Variants in GRID2 observed in about 807,000 individuals in gnomAD.
GRID2 encodes glutamate ionotropic receptor delta type subunit 2.
A neutral mutation model predicts 114.8 loss-of-function variants in GRID2; 33 were observed. That is an observed-to-expected ratio of 0.29 (90% CI 0.22 to 0.38). The LOEUF is 0.38. Ranked by LOEUF, GRID2 falls within the 10% of genes least tolerant of loss-of-function variation. The pLI, the probability that GRID2 is intolerant of heterozygous loss-of-function variation, is 1.00. For missense variants in GRID2, 1,184 were observed against 1,257.7 expected (o/e 0.94, Z 0.89); for synonymous variants, 505 against 449.9 (o/e 1.12, Z -1.55).
chr4:92,550,113 T>C (rs188795360), intron 1 of GRID2, among the ~76,000 whole-genome samples: 186 of 152,300 alleles, frequency 1.2e-3, no homozygotes, highest in African/African-American at 3.8e-3. Flanking sequence ...TTACAGTATA[T>C]AGAGCCACTG....
intron 8 of GRID2, among the ~76,000 whole-genome samples, chr4:93,395,348 A>G (rs868753543): frequency 2.0e-5 from 3 of 152,018 alleles, no homozygotes; most frequent in South Asian, 4.1e-4. Context: ...TGGTGTATAC[A>G]TAAGTCCTCA....
intron 2 of GRID2, among the ~76,000 whole-genome samples, chr4:93,082,279 G>A (rs576531452): frequency 1.3e-5 from 2 of 152,234 alleles, no homozygotes; most frequent in East Asian, 3.9e-4. Flanking sequence ...CCCCTATTTA[G>A]AGCTTTATCT....
intron 1 of GRID2, among the ~76,000 whole-genome samples, chr4:92,530,794 C>G (rs1725315411): frequency 6.7e-6 from 1 of 149,874 alleles, no homozygotes. Flanking sequence ...ATAATCCCAA[C>G]TACTCAGGAG....
chr4:92,401,166 C>T (rs1209052326), intron 1 of GRID2, among the ~76,000 whole-genome samples: 1 of 152,046 alleles, frequency 6.6e-6, no homozygotes, highest in African/African-American at 2.4e-5. Context: ...TTGCCTAATC[C>T]AAGGTCACAA....
chr4:93,582,955 T>A (rs1261991439), intron 13 of GRID2, among the ~76,000 whole-genome samples: 1 of 152,064 alleles, frequency 6.6e-6, no homozygotes. Context: ...GAAATCAAGG[T>A]GTTGGCAGGG....
intron 2 of GRID2, among the ~76,000 whole-genome samples, chr4:92,867,908 T>G (rs1744990204): frequency 6.6e-6 from 1 of 152,172 alleles, no homozygotes; most frequent in Non-Finnish European, 1.5e-5. Context: ...AGGGTAGTGA[T>G]TCCCAAATCC....
At chr4:93,366,906 A>C (rs1356446869) in intron 8 of GRID2, among the ~76,000 whole-genome samples, 1 of 152,002 alleles carries the variant, frequency 6.6e-6, no homozygotes, top group Non-Finnish European at 1.5e-5. Context: ...TAATTTGAAA[A>C]AGAATATATA....
intron 9 of GRID2, among the ~76,000 whole-genome samples, chr4:93,399,010 C>G (rs1765626388): frequency 6.6e-6 from 1 of 151,814 alleles, no homozygotes; most frequent in South Asian, 2.1e-4. Flanking sequence ...CACTGAGAAC[C>G]ACTCTCCCCT....
intron 8 of GRID2, among the ~76,000 whole-genome samples, chr4:93,242,144 T>C (rs1747600638): frequency 6.6e-6 from 1 of 151,932 alleles, no homozygotes; most frequent in Admixed American, 6.6e-5. Context: ...AAATTATTAA[T>C]AAATTGTCTT....
chr4:93,174,529 C>A (rs1328029811), intron 4 of GRID2, among the ~76,000 whole-genome samples: 1 of 152,068 alleles, frequency 6.6e-6, no homozygotes, highest in Non-Finnish European at 1.5e-5. Flanking sequence ...GAAGCTTTAA[C>A]CCCCGATATG....
chr4:92,325,877 ATTCTTAAT>A (rs1218151735), intron 1 of GRID2, among the ~76,000 whole-genome samples: 3 of 151,724 alleles, frequency 2.0e-5, no homozygotes, highest in African/African-American at 7.2e-5. Flanking sequence ...TCAGCAATCA[ATTCTTAAT>A]TTCTTAATTT....
chr4:92,847,618 C>A (rs1162857874), intron 2 of GRID2, among the ~76,000 whole-genome samples: 1 of 151,842 alleles, frequency 6.6e-6, no homozygotes, highest in East Asian at 1.9e-4. Context: ...TTTAATATAG[C>A]TTTATTCTTA....
chr4:93,691,454 A>G (rs1429914505), intron 14 of GRID2, among the ~76,000 whole-genome samples: 1 of 152,112 alleles, frequency 6.6e-6, no homozygotes, highest in Non-Finnish European at 1.5e-5. Flanking sequence ...GTAGCAAGGT[A>G]TCATGAAAAG....
chr4:93,533,864 G>T (rs999892195), intron 13 of GRID2, among the ~76,000 whole-genome samples: 4 of 152,040 alleles, frequency 2.6e-5, no homozygotes, highest in Non-Finnish European at 4.4e-5. Flanking sequence ...TAAGCGAACA[G>T]GTCATTCTTC....
rs142805953 is a variant in GRID2, at chr4:93,383,393, G to A, written c.1246-12214G>A. Among the ~76,000 whole-genome samples the A allele has an allele frequency of 2.7e-3, 411 of 152,270 alleles. 3 individuals are homozygous for A. Among genetic ancestry groups the A allele is most frequent in the African/African-American group, 8.4e-3 (351 of 41,570 alleles). ...ATGGCTGCCTGCCATTGGACTAAGGGTCAGGATAGGTAGCTGCTACTGTTT... is the reference window on the plus strand; with the variant it reads ...ATGGCTGCCTGCCATTGGACTAAGGATCAGGATAGGTAGCTGCTACTGTTT... On this transcript the variant is annotated intron_variant, in intron 8 of 15. Transcript: ENST00000282020.
At chr4:92,764,927 C>A (rs992029001) in intron 2 of GRID2, among the ~76,000 whole-genome samples, 1 of 152,258 alleles carries the variant, frequency 6.6e-6, no homozygotes, top group East Asian at 1.9e-4. Context: ...ATAAACACAT[C>A]AAATCTATTA....
At chr4:92,461,636 T>A (rs1721500024) in intron 1 of GRID2, among the ~76,000 whole-genome samples, 3 of 152,022 alleles carry the variant, frequency 2.0e-5, no homozygotes, top group African/African-American at 7.2e-5. Context: ...AAACCTAAAC[T>A]TACCCTAATT....
intron 2 of GRID2, among the ~76,000 whole-genome samples, chr4:92,927,502 G>A (rs1167375599): frequency 1.3e-5 from 2 of 151,752 alleles, no homozygotes; most frequent in African/African-American, 4.8e-5. Flanking sequence ...CAGTTGGGTT[G>A]CAATAACAAA....
intron 2 of GRID2, among the ~76,000 whole-genome samples, chr4:92,597,533 T>A (rs1172257859): frequency 6.6e-6 from 1 of 152,182 alleles, no homozygotes; most frequent in Non-Finnish European, 1.5e-5. Flanking sequence ...TGTGCTGCTC[T>A]GGATTTTGTT....
Sources: allele counts gnomAD v4.1 joint callset (sites outside exome capture counted in the v4.1 genomes callset), GRCh38; gene constraint gnomAD v4.1.1; transcripts MANE v1.5; gene names NCBI Gene and HGNC (gene_info 2026-07-23, HGNC 2026-07-21).